RYR3: variants seen among roughly 807,000 people sequenced by gnomAD.
RYR3 encodes brain ryanodine receptor-calcium release channel.
In RYR3, 207 loss-of-function variants were observed where a neutral mutation model predicts 584.3. That is an observed-to-expected ratio of 0.35 (90% CI 0.32 to 0.40). RYR3 has a LOEUF of 0.40. Ranked by LOEUF, RYR3 falls within the 10% of genes least tolerant of loss-of-function variation. The probability of loss-of-function intolerance (pLI) is 1.00; values close to 1 mark genes in which losing one functional copy is unlikely to be tolerated. For synonymous variants in RYR3, 2,416 were observed against 2,248.5 expected (o/e 1.07, Z -2.11); for missense variants, 5,616 against 6,089.2 (o/e 0.92, Z 2.59).
In RYR3 at chr15:33,831,068, A is replaced by C. The variant is rs745879366; in HGVS notation, c.11440A>C (p.Asn3814His). 6.2e-7 allele frequency: 1 copy of C among 1,613,598 alleles called. No individual in the cohort carries two copies. Among genetic ancestry groups the C allele is most frequent in the Non-Finnish European group, 8.5e-7 (1 of 1,179,818 alleles). The change falls in exon 86 of 104, where the codon AAT becomes CAT. Residue 3814 changes from asparagine to histidine, a missense_variant. By Grantham distance (68) the Asn-to-His change is moderately conservative. Around this residue, in one of 9 missense-constraint regions of RYR3, gnomAD observed 954 missense variants for 1,132.2 expected, o/e 0.84. Transcript: ENST00000634891. ...KALAVTKQIF[N>H]SLTEYIQGPC... ...TCTGGCAGTCACCAAGCAGATTTTC[A>C]ATTCTCTTACAGAATACATCCAGGT...
intron 1 of RYR3, among the ~76,000 whole-genome samples, chr15:33,374,388 G>A (rs1595888925): frequency 6.6e-6 from 1 of 151,366 alleles, no homozygotes; most frequent in Non-Finnish European, 1.5e-5. Flanking sequence ...GTGTGTGTGT[G>A]TGTGTGTGTG....
At chr15:33,612,054 T>A (rs1003906999) in intron 18 of RYR3, among the ~76,000 whole-genome samples, 2 of 152,228 alleles carry the variant, frequency 1.3e-5, no homozygotes, top group Non-Finnish European at 2.9e-5. Flanking sequence ...TGCTGGAAGC[T>A]CTATTTTAAA....
intron 1 of RYR3, among the ~76,000 whole-genome samples, chr15:33,325,584 T>C (rs1460237060): frequency 2.0e-5 from 3 of 152,178 alleles, no homozygotes; most frequent in Non-Finnish European, 2.9e-5. Context: ...TGAATTCCCA[T>C]AGGATTATGA....
chr15:33,857,245 T>C (rs11634201), intron 98 of RYR3, among the ~76,000 whole-genome samples: 149,236 of 151,988 alleles, frequency 0.98, 73,328 homozygotes, highest in Middle Eastern at 1. Flanking sequence ...ATCATGGTGC[T>C]GGCAGCACCA....
intron 1 of RYR3, among the ~76,000 whole-genome samples, chr15:33,389,486 TA>T (rs1234659540): frequency 6.6e-6 from 1 of 152,242 alleles, no homozygotes; most frequent in Non-Finnish European, 1.5e-5. Context: ...ACTTTTCATT[TA>T]AAATAATTTC....
rs1397018526 is a variant in RYR3, at chr15:33,736,400, A to AT, written c.7515+75_7515+76insT. ...GCCTTGTAATATGTGATGTCTTCAC[A>AT]ATTTAGAAGGAAAAATACATGCTAA... On this transcript the variant is annotated intron_variant, in intron 49 of 103. Coordinates refer to ENST00000634891, the MANE Select transcript of RYR3 (RefSeq NM_001036.6). The AT allele has an allele frequency of 3.1e-6, 3 of 975,030 alleles. No individual in the cohort carries two copies. In the African/African-American group the frequency reaches 4.8e-5, roughly 16 times the overall value. The allele number at this position is 975,030 out of a possible 1,614,324, so 60.4% of individuals were successfully genotyped here. A position where few individuals can be genotyped will look rare whatever the true frequency, so the allele number is the denominator to read the frequency against.
At chr15:33,549,833 C>G (rs2056540520) in intron 9 of RYR3, among the ~76,000 whole-genome samples, 1 of 152,156 alleles carries the variant, frequency 6.6e-6, no homozygotes, top group Non-Finnish European at 1.5e-5. Context: ...CATTCAAAGA[C>G]AAGCTTCCCA....
At chr15:33,745,096 A>C (rs72715114) in intron 52 of RYR3, among the ~76,000 whole-genome samples, 2,353 of 152,264 alleles carry the variant, frequency 0.015, 27 homozygotes, top group Middle Eastern at 0.048. Flanking sequence ...AGACAGACAG[A>C]CAGACAGACA....
intron 16 of RYR3, among the ~76,000 whole-genome samples, chr15:33,590,144 T>A (rs2059057519): frequency 6.6e-6 from 1 of 152,156 alleles, no homozygotes; most frequent in Admixed American, 6.6e-5. Context: ...GAGAAGGAAT[T>A]TCACAAGGTT....
chr15:33,833,648 C>CT (rs1340649549), intron 86 of RYR3, among the ~76,000 whole-genome samples: 1 of 152,212 alleles, frequency 6.6e-6, no homozygotes, highest in East Asian at 1.9e-4. Flanking sequence ...CCATGGAGCA[C>CT]GAACCCAAAA....
In RYR3 at chr15:33,785,834, G is replaced by A. The variant is rs1440590849; in HGVS notation, c.9441G>A (p.Glu3147=). The change falls in exon 66 of 104, where the codon GAG becomes GAA. Residue 3147 remains glutamate, a synonymous_variant. Coordinates refer to ENST00000634891, the MANE Select transcript of RYR3 (RefSeq NM_001036.6). Reference sequence around the variant, plus strand: ...GCAACTACTTGTCCTACTGGTGGGAGCGGGGTCCTGAGAACCTGCCCCCCA... The same window carrying A: ...GCAACTACTTGTCCTACTGGTGGGAACGGGGTCCTGAGAACCTGCCCCCCA... ...MLCNYLSYWW[E]RGPENLPPST... is the part of the protein sequence containing the mutation. The A allele has an allele frequency of 4.3e-6, 7 of 1,613,800 alleles. No individual in the cohort carries two copies. In the African/African-American group the frequency reaches 8.0e-5, roughly 18 times the overall value.
At chr15:33,391,694 G>C (rs2141286416) in intron 1 of RYR3, among the ~76,000 whole-genome samples, 1 of 152,146 alleles carries the variant, frequency 6.6e-6, no homozygotes, top group African/African-American at 2.4e-5. Context: ...ATCATTAGCT[G>C]AGTAAAGTAA....
chr15:33,768,586 T>A, intron 60 of RYR3, 72 bp from the exon 61 acceptor site: 8 of 1,293,006 alleles, frequency 6.2e-6, no homozygotes, highest in Non-Finnish European at 9.0e-6. Flanking sequence ...TAAGGGACAT[T>A]GGGGTGGGGG....
chr15:33,751,863 G>GTCTTATGTT (rs1425682166), intron 57 of RYR3, among the ~76,000 whole-genome samples: 2 of 152,082 alleles, frequency 1.3e-5, no homozygotes, highest in African/African-American at 4.8e-5. Context: ...TATGGTTTTG[G>GTCTTATGTT]TCTTATGTTT....
At chr15:33,780,930 C>T (rs778096002) in intron 65 of RYR3, among the ~76,000 whole-genome samples, 9 of 152,200 alleles carry the variant, frequency 5.9e-5, no homozygotes, top group South Asian at 2.1e-4. Flanking sequence ...TGGCCCCCTG[C>T]CTATTTTTGT....
chr15:33,803,185 C>G (rs946589665), intron 69 of RYR3, among the ~76,000 whole-genome samples: 1 of 152,172 alleles, frequency 6.6e-6, no homozygotes, highest in Non-Finnish European at 1.5e-5. Context: ...TAAGTATACA[C>G]TTTTAGTATG....
At chr15:33,793,140 T>C (rs2075260999) in intron 67 of RYR3, among the ~76,000 whole-genome samples, 1 of 152,184 alleles carries the variant, frequency 6.6e-6, no homozygotes, top group Non-Finnish European at 1.5e-5. Context: ...ATTACAGGCT[T>C]ATTAGAAAAG....
chr15:33,723,975 C>G, intron 44 of RYR3, 90 bp from the exon 45 acceptor site: 1 of 677,020 alleles, frequency 1.5e-6, no homozygotes, highest in Non-Finnish European at 2.7e-6. Flanking sequence ...GCAAGAAGAG[C>G]AGAGTGCTTC....
At chr15:33,768,277 CAA>C (rs757612400) in intron 60 of RYR3, among the ~76,000 whole-genome samples, 1 of 152,224 alleles carries the variant, frequency 6.6e-6, no homozygotes, top group Non-Finnish European at 1.5e-5. Context: ...TCCATTGCAA[CAA>C]GGGGAAAATC....
Sources: gnomAD v4.1 joint callset for allele counts (sites outside exome capture counted in the v4.1 genomes callset) on GRCh38, gnomAD v4.1.1 for gene constraint, gnomAD v4.1.1 regional missense constraint, MANE v1.5 for transcripts, NCBI Gene and HGNC (gene_info 2026-07-23, HGNC 2026-07-21) for gene names.